STARD13: variants seen among roughly 807,000 people sequenced by gnomAD.
STARD13 encodes StAR related lipid transfer domain containing 13.
STARD13 carries 62 observed loss-of-function variants against 106.4 expected under a neutral mutation model. That is an observed-to-expected ratio of 0.58 (90% confidence interval 0.48 to 0.72). STARD13 has a LOEUF of 0.72. Ranked by LOEUF, STARD13 falls within the 30% of genes least tolerant of loss-of-function variation. The pLI, the probability that STARD13 is intolerant of heterozygous loss-of-function variation, is 0.00. For missense variants in STARD13, 1,387 were observed against 1,424.0 expected (o/e 0.97, Z 0.42); for synonymous variants, 565 against 553.0 (o/e 1.02, Z -0.31).
At chr13:33,549,864 G>T in the STARD13 span, among the ~76,000 whole-genome samples, 1 of 152,062 alleles carries the variant, frequency 6.6e-6, no homozygotes. Flanking sequence ...CATAGTTATA[G>T]CCCAGAGGTT....
the STARD13 span, among the ~76,000 whole-genome samples, chr13:33,393,249 G>A: frequency 6.6e-6 from 1 of 152,328 alleles, no homozygotes; most frequent in South Asian, 2.1e-4. Flanking sequence ...AGTGTGGCTG[G>A]AAAGAGAGGC....
the STARD13 span, among the ~76,000 whole-genome samples, chr13:33,544,649 A>G: frequency 6.6e-6 from 1 of 152,128 alleles, no homozygotes; most frequent in African/African-American, 2.4e-5. Context: ...AAAGATTGAG[A>G]ACAACTGTCT....
chr13:33,180,336 A>G (rs1175970000), intron 1 of STARD13: 2 of 152,242 alleles, frequency 1.3e-5, no homozygotes, highest in African/African-American at 2.4e-5. Context: ...CAACGTGCTT[A>G]CCAGTTAATA....
At chr13:33,519,237 T>TTTCC in the STARD13 span, among the ~76,000 whole-genome samples, 11 of 150,862 alleles carry the variant, frequency 7.3e-5, no homozygotes, top group Admixed American at 2.0e-4. Flanking sequence ...TCTTTCTTTC[T>TTTCC]TTCTTTCTTT....
the STARD13 span, among the ~76,000 whole-genome samples, chr13:33,551,568 C>CTTTTTTTTTTTTTTT: frequency 3.8e-3 from 170 of 44,794 alleles, 82 homozygotes; most frequent in Middle Eastern, 0.02. Flanking sequence ...TTTGCTTTTC[C>CTTTTTTTTTTTTTTT]CTTTTTTTTT....
chr13:33,274,961 A>C (rs761592998), intron 1 of STARD13, among the ~76,000 whole-genome samples: 2 of 151,946 alleles, frequency 1.3e-5, no homozygotes, highest in East Asian at 3.9e-4. Context: ...CTGCCCTCTC[A>C]GCTCAGTATT....
At chr13:33,131,224 G>A (rs928729230) in intron 4 of STARD13, among the ~76,000 whole-genome samples, 33 of 152,126 alleles carry the variant, frequency 2.2e-4, no homozygotes, top group African/African-American at 7.7e-4. Context: ...ATCGGATCCT[G>A]CTTCATCCTC....
chr13:33,304,442 C>T (rs1210223464), intron 1 of STARD13, among the ~76,000 whole-genome samples: 2 of 152,088 alleles, frequency 1.3e-5, no homozygotes, highest in Non-Finnish European at 2.9e-5. Flanking sequence ...AAGCCCTTCA[C>T]TTCTAAATCT....
chr13:33,609,105 A>AAAAAAAAAAAAAAAAAAAAAAAAAAG, the STARD13 span, among the ~76,000 whole-genome samples: 7 of 133,194 alleles, frequency 5.3e-5, 1 homozygote, highest in African/African-American at 2.0e-4. Context: ...AAAAAAAAAA[A>AAAAAAAAAAAAAAAAAAAAAAAAAAG]AAATATTGAT....
intron 5 of STARD13, among the ~76,000 whole-genome samples, chr13:33,128,325 G>C (rs1375327830): frequency 6.6e-6 from 1 of 152,196 alleles, no homozygotes; most frequent in Non-Finnish European, 1.5e-5. Flanking sequence ...GCCCGAAGAT[G>C]AGAGGTACAG....
intron 1 of STARD13, among the ~76,000 whole-genome samples, chr13:33,316,466 CAGAAGCT>C (rs1893343159): frequency 1.3e-5 from 2 of 152,110 alleles, no homozygotes; most frequent in African/African-American, 4.8e-5. Flanking sequence ...TATCACATGC[CAGAAGCT>C]GTCCCAGGAT....
At chr13:33,368,305 G>A in the STARD13 span, among the ~76,000 whole-genome samples, 4 of 152,086 alleles carry the variant, frequency 2.6e-5, no homozygotes, top group African/African-American at 4.8e-5. Context: ...GATCTATGCC[G>A]GCTCTCTTTA....
At chr13:33,470,623 G>A in the STARD13 span, among the ~76,000 whole-genome samples, 14 of 152,138 alleles carry the variant, frequency 9.2e-5, no homozygotes, top group Non-Finnish European at 1.3e-4. Context: ...ATTCTAACTG[G>A]CATGAGTTGC....
At chr13:33,598,000 T>C in the STARD13 span, among the ~76,000 whole-genome samples, 1 of 152,346 alleles carries the variant, frequency 6.6e-6, no homozygotes, top group Non-Finnish European at 1.5e-5. Context: ...GCCTGAATGA[T>C]GCTATTTGTT....
intron 1 of STARD13, 104 bp downstream of exon 1, chr13:33,285,366 T>C: frequency 8.1e-7 from 1 of 1,238,788 alleles, no homozygotes; most frequent in East Asian, 2.4e-5. Context: ...TAGAAATCCA[T>C]ATGTTATAAA....
At chr13:33,456,552 C>T in the STARD13 span, among the ~76,000 whole-genome samples, 1 of 152,160 alleles carries the variant, frequency 6.6e-6, no homozygotes, top group Admixed American at 6.6e-5. Flanking sequence ...GTGTTGTTTT[C>T]TCCTCAGGCC....
At chr13:33,157,682 CAAAG>C (rs796708187) in intron 3 of STARD13, among the ~76,000 whole-genome samples, 46 of 152,142 alleles carry the variant, frequency 3.0e-4, no homozygotes, top group African/African-American at 8.7e-4. Context: ...AACAAACAAA[CAAAG>C]AAAGAAATTC....
intron 1 of STARD13, among the ~76,000 whole-genome samples, chr13:33,338,228 T>C (rs1288273268): frequency 6.6e-6 from 1 of 152,196 alleles, no homozygotes; most frequent in Admixed American, 6.5e-5. Flanking sequence ...ACCCATGAAA[T>C]CCAGACAGAA....
chr13:33,582,080 G>T, the STARD13 span, among the ~76,000 whole-genome samples: 8 of 152,178 alleles, frequency 5.3e-5, no homozygotes, highest in Admixed American at 3.9e-4. Flanking sequence ...AAATTAGCTG[G>T]GCGTGGTGGT....
Sources: gnomAD v4.1 joint callset for allele counts (sites outside exome capture counted in the v4.1 genomes callset) on GRCh38, gnomAD v4.1.1 for gene constraint, MANE v1.5 for transcripts, NCBI Gene and HGNC (gene_info 2026-07-23, HGNC 2026-07-21) for gene names.